Variants in PRDM7 observed in about 807,000 individuals in gnomAD.
The protein encoded by PRDM7 is PR/SET domain 7, also known as histone-lysine N-methyltransferase PRDM7.
Under a neutral mutation model 64.3 loss-of-function variants are expected in PRDM7, and 52 were observed. The ratio of observed to expected loss-of-function variants is 0.81; its 90% CI spans 0.65 to 1.02. The LOEUF is 1.02. PRDM7 is among the 50% of genes least tolerant of loss of function. The pLI, the probability that PRDM7 is intolerant of heterozygous loss-of-function variation, is 0.00. For synonymous variants in PRDM7, 192 were observed against 210.1 expected (o/e 0.91, Z 0.74); for missense variants, 574 against 597.1 (o/e 0.96, Z 0.40).
At chr16:90,074,427 A>G (rs2038005831) in intron 4 of PRDM7, among the ~76,000 whole-genome samples, 1 of 151,282 alleles carries the variant, frequency 6.6e-6, no homozygotes, top group Non-Finnish European at 1.5e-5. Context: ...AAATACAAAA[A>G]TTAGCTGGGC....
chr16:90,060,568 G>C lies in PRDM7; in HGVS notation c.1006C>G (p.His336Asp), dbSNP rs1312964663. 3 of 1,614,122 alleles carry C rather than the reference G, an allele frequency of 1.9e-6. No individual in the cohort carries two copies. Among genetic ancestry groups the C allele is most frequent in the Admixed American group, 3.3e-5 (2 of 60,032 alleles). The stretch of plus-strand genomic sequence containing the variant: ...CAGGTTCTATAGAAGATCTGCCTGT[G>C]GTACTGGAAGGCCACCAGGTTCTGC... ...EEQNLVAFQYHRQIFYRTCRV... is the reference protein window; with the variant it reads ...EEQNLVAFQYDRQIFYRTCRV... The change falls in exon 10 of 11, where the codon CAC becomes GAC. Residue 336 changes from histidine (H) to aspartate (D), a missense_variant. Coordinates refer to ENST00000449207, the MANE Select transcript of PRDM7 (RefSeq NM_001098173.2).
chr16:90,073,431 G>T lies in PRDM7; in HGVS notation c.301+1485C>A, dbSNP rs147196601. On this transcript the variant is annotated intron_variant, in intron 4 of 10. Transcript: ENST00000449207. ...TTTTTTTTTTTTGAGATGGAGTCTC[G>T]CTCTGTCGCCCAGGCCGGAGTGCAG... Among the ~76,000 whole-genome samples, 68 of 146,274 alleles carry T rather than the reference G, an allele frequency of 4.6e-4. 1 individual carries two copies. Among genetic ancestry groups the T allele is most frequent in the African/African-American group, 1.7e-3 (65 of 39,366 alleles).
chr16:90,066,464 GAGA>G (rs2037874365), intron 5 of PRDM7, among the ~76,000 whole-genome samples: 1 of 151,206 alleles, frequency 6.6e-6, no homozygotes, highest in Non-Finnish European at 1.5e-5. Context: ...AAGTGCTTTA[GAGA>G]AGGAGTTTTG....
At chr16:90,074,283 G>GTCGTCATCATCATCA (rs113668745) in intron 4 of PRDM7, among the ~76,000 whole-genome samples, 2 of 147,858 alleles carry the variant, frequency 1.4e-5, no homozygotes, top group East Asian at 4.2e-4. Context: ...AATCATCATC[G>GTCGTCATCATCATCA]TCATCATCAT....
At chr16:90,065,812 C>A (rs1175408155) in intron 5 of PRDM7, among the ~76,000 whole-genome samples, 5 of 151,364 alleles carry the variant, frequency 3.3e-5, no homozygotes, top group Non-Finnish European at 7.4e-5. Context: ...CAGTTGAAAT[C>A]TAACTCAAAG....
rs2037780236 is a variant in PRDM7 at position 90,061,662 on chromosome 16, C to T, written c.883-143G>A. 3 of 1,167,554 alleles carry T rather than the reference C, an allele frequency of 2.6e-6. No individual in the cohort carries two copies. The Admixed American group carries it at 6.0e-5, about 23-fold the overall frequency. 72.3% of individuals were successfully genotyped at this position (1,167,554 alleles called of 1,614,324 possible). A position where few individuals can be genotyped will look rare whatever the true frequency, so the allele number is the denominator to read the frequency against. On this transcript the variant is annotated intron_variant, in intron 8 of 10. Transcript: ENST00000449207. Reference sequence around the variant, plus strand: ...ACATGGCATGCACCTTAGTCATCATCTACACATCTGAGTTGGTTTGTCCAA... The same window carrying T: ...ACATGGCATGCACCTTAGTCATCATTTACACATCTGAGTTGGTTTGTCCAA...
At chr16:90,068,251 C>G (rs2037905831) in intron 4 of PRDM7, among the ~76,000 whole-genome samples, 1 of 150,384 alleles carries the variant, frequency 6.6e-6, no homozygotes, top group Non-Finnish European at 1.5e-5. Flanking sequence ...TGCACTCCAG[C>G]TTGGGCGACA....
At chr16:90,071,903 G>T (rs2037962775) in intron 4 of PRDM7, among the ~76,000 whole-genome samples, 1 of 152,060 alleles carries the variant, frequency 6.6e-6, no homozygotes, top group Non-Finnish European at 1.5e-5. Context: ...ATATTAAAAA[G>T]AATTAAAGGC....
At position 90,057,608 on chromosome 16, in the gene PRDM7, A is replaced by G. The variant is rs2037704288; in HGVS notation, c.*681T>C. 1 of 810,848 alleles carries G rather than the reference A, an allele frequency of 1.2e-6. No homozygotes were observed. The highest frequency in any genetic ancestry group is 1.8e-5 in the African/African-American group (1 of 55,428). The allele number at this position is 810,848 out of a possible 1,614,324, so 50.2% of individuals were successfully genotyped here. ...GGATCAGTGCGGGAAACAACCACACATGTTGACGTCCCCCGAACACTTACA... is the reference window on the plus strand; with the variant it reads ...GGATCAGTGCGGGAAACAACCACACGTGTTGACGTCCCCCGAACACTTACA... On this transcript the variant is annotated 3_prime_UTR_variant, in exon 11 of 11. Transcript: ENST00000449207.
intron 5 of PRDM7, among the ~76,000 whole-genome samples, chr16:90,065,949 A>G (rs74548542): frequency 0.027 from 4,072 of 151,148 alleles, 115 homozygotes; most frequent in South Asian, 0.054. Context: ...AAGAAGAATC[A>G]GGAAGGGACT....
intron 5 of PRDM7, among the ~76,000 whole-genome samples, chr16:90,065,961 G>T (rs1439839701): frequency 1.3e-5 from 2 of 151,130 alleles, no homozygotes; most frequent in Non-Finnish European, 2.9e-5. Flanking sequence ...GAAGGGACTA[G>T]ACTCCTGAAG....
chr16:90,064,978 C>G lies in PRDM7; in HGVS notation c.352-1210G>C, dbSNP rs1206964909. ...AGGTAATCTGCCCACCTCTGCCTCT[C>G]AAAGTGCTGGGATTACAGGTGTGAG... On this transcript the variant is annotated intron_variant, in intron 5 of 10. Coordinates refer to ENST00000449207, the MANE Select transcript of PRDM7 (RefSeq NM_001098173.2). Among the ~76,000 whole-genome samples the G allele has an allele frequency of 4.6e-5, 7 of 151,074 alleles. 1 individual carries two copies. The highest frequency in any genetic ancestry group is 1.7e-4 in the African/African-American group (7 of 40,538).
chr16:90,075,587 C>T lies in PRDM7; in HGVS notation c.70-113G>A. ...GGGGCCTCTGGGAGTCTCTGTGAAA[C>T]ATAAAGACCTTCCCTCCTTCTCCAG... On this transcript the variant is annotated intron_variant, in intron 2 of 10. Transcript: ENST00000449207. This position sits in a 1 kb window ranked among gnomAD's most constrained non-coding sequence, Gnocchi z 4.3. The T allele has an allele frequency of 1.9e-6, 3 of 1,546,952 alleles. No individual in the cohort carries two copies. Among genetic ancestry groups the T allele is most frequent in the Non-Finnish European group, 2.7e-6 (3 of 1,121,384 alleles).
chr16:90,067,316 T>C (rs967829337), intron 4 of PRDM7, among the ~76,000 whole-genome samples: 1 of 151,128 alleles, frequency 6.6e-6, no homozygotes, highest in Non-Finnish European at 1.5e-5. Context: ...CAGAGAGTGA[T>C]GATTCCAAGT....
In PRDM7 at chr16:90,060,473, G is replaced by A; in HGVS notation, c.1101C>T (p.Ile367=). 6.2e-7 allele frequency: 1 copy of A among 1,613,874 alleles called. No homozygotes were observed. The change falls in exon 10 of 11, where the codon ATC becomes ATT. Residue 367 remains isoleucine (I), a synonymous_variant. Coordinates refer to ENST00000449207, the MANE Select transcript of PRDM7 (RefSeq NM_001098173.2). ...ACTCGGCAGGTTCTATAGAAGATCT[G>A]ATGCCCAGTTCCTGGCCATACTCAT... ...SGDEYGQELG[I]RSSIEPAESL... is the part of the protein sequence containing the mutation.
intron 10 of PRDM7, among the ~76,000 whole-genome samples, chr16:90,058,899 C>T (rs1817349173): frequency 6.6e-6 from 1 of 152,164 alleles, no homozygotes; most frequent in South Asian, 2.1e-4. Context: ...CTGCCACATG[C>T]TCCCTCCCTG....
intron 4 of PRDM7, among the ~76,000 whole-genome samples, chr16:90,067,381 T>C (rs1380504057): frequency 2.6e-5 from 4 of 151,082 alleles, no homozygotes; most frequent in Non-Finnish European, 5.9e-5. Flanking sequence ...GGCCTATGCT[T>C]CTATTGGGGG....
rs1163851222 is a variant in PRDM7 at position 90,058,169 on chromosome 16, C to T, written c.*120G>A. On this transcript the variant is annotated 3_prime_UTR_variant, in exon 11 of 11. Coordinates refer to ENST00000449207, the MANE Select transcript of PRDM7 (RefSeq NM_001098173.2). ...AATTTGCCTGTGTTCCCTGGATTCA[C>T]TTTCTGGCCTGTTCTGGACTCTTCT... is the stretch of plus-strand genomic sequence containing the variant. 3.7e-6 allele frequency: 6 copies of T among 1,614,224 alleles called. No homozygotes were observed. Among genetic ancestry groups the T allele is most frequent in the Non-Finnish European group, 5.1e-6 (6 of 1,180,042 alleles).
At chr16:90,066,826 A>C (rs1363300126) in intron 5 of PRDM7, 35 bp downstream of exon 5, 2 of 1,520,398 alleles carry the variant, frequency 1.3e-6, no homozygotes, top group African/African-American at 2.8e-5. Context: ...TCTATGAGGA[A>C]GGTTTCTTGT....
Sources: allele counts gnomAD v4.1 joint callset (sites outside exome capture counted in the v4.1 genomes callset), GRCh38; gene constraint gnomAD v4.1.1; non-coding constraint Gnocchi (gnomAD v3.1); transcripts MANE v1.5; gene names NCBI Gene and HGNC (gene_info 2026-07-23, HGNC 2026-07-21).